The following NTM variants were observed in gnomAD, a reference collection of about 807,000 sequenced individuals.
NTM encodes the protein neurotrimin, also known as IgLON family member 2.
Under a neutral mutation model 42.1 loss-of-function variants are expected in NTM, and 13 were observed. The ratio of observed to expected loss-of-function variants is 0.31; its 90% CI spans 0.20 to 0.49. NTM has a LOEUF of 0.49. Among genes scored for constraint, NTM ranks in the 20% least tolerant of loss-of-function variants. NTM has a pLI of 0.99. For missense variants in NTM, 373 were observed against 452.8 expected (o/e 0.82, Z 1.60); for synonymous variants, 187 against 179.2 (o/e 1.04, Z -0.35).
At chr11:131,870,204 T>A (rs1014626505) in intron 1 of NTM, among the ~76,000 whole-genome samples, 1 of 152,206 alleles carries the variant, frequency 6.6e-6, no homozygotes, top group South Asian at 2.1e-4. Flanking sequence ...AGAAAGAAAG[T>A]GGATGGGCTT....
intron 1 of NTM, among the ~76,000 whole-genome samples, chr11:131,680,386 C>T (rs2072245155): frequency 7.1e-6 from 1 of 141,472 alleles, no homozygotes; most frequent in Non-Finnish European, 1.6e-5. Context: ...TCTGTGAGTG[C>T]CTGTGTGTGT....
At chr11:132,144,024 TTA>T (rs1428685136) in intron 2 of NTM, among the ~76,000 whole-genome samples, 1 of 152,196 alleles carries the variant, frequency 6.6e-6, no homozygotes, top group Non-Finnish European at 1.5e-5. Context: ...CCTGGACATC[TTA>T]TTAAAATGCA....
intron 1 of NTM, among the ~76,000 whole-genome samples, chr11:131,582,661 A>C (rs913403841): frequency 3.3e-5 from 5 of 152,146 alleles, no homozygotes; most frequent in African/African-American, 1.2e-4. Context: ...CCTTCAAAAC[A>C]CTCAGGACAA....
intron 1 of NTM, among the ~76,000 whole-genome samples, chr11:131,455,092 A>G (rs1950772038): frequency 6.6e-6 from 1 of 152,148 alleles, no homozygotes; most frequent in African/African-American, 2.4e-5. Context: ...CAAGCATGAT[A>G]GTTCCATTTC....
intron 1 of NTM, among the ~76,000 whole-genome samples, chr11:131,458,215 T>C (rs1274910624): frequency 2.0e-5 from 3 of 152,192 alleles, no homozygotes; most frequent in South Asian, 2.1e-4. Context: ...AGGTGCCTTA[T>C]GCAGGAGAGC....
intron 2 of NTM, among the ~76,000 whole-genome samples, chr11:132,107,237 C>A (rs2062495478): frequency 6.7e-6 from 1 of 149,750 alleles, no homozygotes; most frequent in Admixed American, 6.7e-5. Context: ...CAGTTTCACA[C>A]AACACAAAAC....
chr11:132,271,480 G>T (rs1022045943), intron 4 of NTM, among the ~76,000 whole-genome samples: 24 of 152,112 alleles, frequency 1.6e-4, no homozygotes, highest in African/African-American at 4.3e-4. Flanking sequence ...AGACTATTTT[G>T]CAAAGTTGCT....
intron 1 of NTM, among the ~76,000 whole-genome samples, chr11:131,615,483 A>C (rs1277181803): frequency 2.0e-5 from 3 of 152,032 alleles, no homozygotes; most frequent in Non-Finnish European, 4.4e-5. Context: ...ATCCTGTCTT[A>C]GCCTCTTGAG....
chr11:131,711,177 A>G (rs1023103244), intron 1 of NTM, among the ~76,000 whole-genome samples: 2 of 152,338 alleles, frequency 1.3e-5, no homozygotes, highest in East Asian at 3.9e-4. Context: ...AGAAACTACC[A>G]TCAGAGTGAA....
At position 132,023,558 on chromosome 11, in the gene NTM, C is replaced by G. The variant is rs191939158; in HGVS notation, c.167+111910C>G. On this transcript the variant is annotated intron_variant, in intron 2 of 8. Coordinates refer to ENST00000683400, the MANE Select transcript of NTM (RefSeq NM_001352005.2). Reference sequence around the variant, plus strand: ...GGTTGTTTTGGAGTTTGCGCCCGCTCCAGTGTCTAGCTCTCTTTGCATTTC... The same window carrying G: ...GGTTGTTTTGGAGTTTGCGCCCGCTGCAGTGTCTAGCTCTCTTTGCATTTC... 9.9e-5 allele frequency among the ~76,000 whole-genome samples: 15 copies of G among 152,244 alleles called. No homozygotes were observed. The East Asian group carries it at 2.9e-3, about 30-fold the overall frequency.
intron 1 of NTM, among the ~76,000 whole-genome samples, chr11:131,526,901 G>T (rs530338954): frequency 6.6e-6 from 1 of 152,336 alleles, no homozygotes; most frequent in African/African-American, 2.4e-5. Flanking sequence ...ATACACAAAT[G>T]GAAAGACCCT....
intron 4 of NTM, among the ~76,000 whole-genome samples, chr11:132,241,980 G>A (rs1451953597): frequency 1.3e-5 from 2 of 152,230 alleles, no homozygotes; most frequent in Non-Finnish European, 2.9e-5. Flanking sequence ...ATTACTGTGA[G>A]TAAAACCTAT....
chr11:131,521,196 T>C lies in NTM; in HGVS notation c.82+150308T>C, dbSNP rs1015880850. Among the ~76,000 whole-genome samples the C allele has an allele frequency of 7.9e-5, 12 of 151,340 alleles. No homozygotes were observed. In the East Asian group the frequency reaches 2.2e-3, roughly 27 times the overall value. ...CGGGCATGGTAGCATGTGCCTGTAG[T>C]CCCAGCTACTTGGGAGGCTGAGGCA... On this transcript the variant is annotated intron_variant, in intron 1 of 8. Transcript: ENST00000683400.
rs558439153 is a variant in NTM at position 132,021,516 on chromosome 11, A to G, written c.167+109868A>G. Among the ~76,000 whole-genome samples the G allele has an allele frequency of 1.5e-3, 226 of 152,182 alleles. 1 individual carries two copies. The highest frequency in any genetic ancestry group is 5.2e-3 in the African/African-American group (214 of 41,502). On this transcript the variant is annotated intron_variant, in intron 2 of 8. Transcript: ENST00000683400. Reference sequence around the variant, plus strand: ...ATATTCCTAGCCTCACTTTTCCCGCAAAGGTTGTATTTTGCTGTTTTTTTC... The same window carrying G: ...ATATTCCTAGCCTCACTTTTCCCGCGAAGGTTGTATTTTGCTGTTTTTTTC...
intron 1 of NTM, among the ~76,000 whole-genome samples, chr11:131,510,296 C>T (rs79676025): frequency 0.026 from 3,915 of 152,286 alleles, 159 homozygotes; most frequent in African/African-American, 0.088. Context: ...GGCTCCCTGG[C>T]CCTGTACTTC....
chr11:132,012,752 C>T (rs541296552), intron 2 of NTM, among the ~76,000 whole-genome samples: 2 of 152,214 alleles, frequency 1.3e-5, no homozygotes, highest in Non-Finnish European at 2.9e-5. Context: ...AATCCATACA[C>T]AGTAGTGAAG....
At chr11:131,655,679 G>A (rs2067093264) in intron 1 of NTM, among the ~76,000 whole-genome samples, 1 of 152,222 alleles carries the variant, frequency 6.6e-6, no homozygotes, top group African/African-American at 2.4e-5. Context: ...TGGCAGGGAG[G>A]ACAATTGAGA....
intron 1 of NTM, among the ~76,000 whole-genome samples, chr11:131,872,281 C>A (rs1329332889): frequency 7.2e-5 from 11 of 152,230 alleles, no homozygotes; most frequent in Non-Finnish European, 1.5e-4. Flanking sequence ...TATGGCTCAG[C>A]AGCAACTGGC....
In NTM at chr11:131,978,593, A is replaced by G. The variant is rs138469119; in HGVS notation, c.167+66945A>G. On this transcript the variant is annotated intron_variant, in intron 2 of 8. Transcript: ENST00000683400. ...CCTAAGGCTCTAGAGTCTCTTCCCT[A>G]TTGCCTATGACTGTTCCCGAGGCTC... 3.8e-3 allele frequency among the ~76,000 whole-genome samples: 579 copies of G among 151,988 alleles called. 4 individuals carry two copies. Among genetic ancestry groups the G allele is most frequent in the African/African-American group, 0.014 (561 of 41,422 alleles).
Sources: allele counts gnomAD v4.1 joint callset (sites outside exome capture counted in the v4.1 genomes callset), GRCh38; gene constraint gnomAD v4.1.1; transcripts MANE v1.5; gene names NCBI Gene and HGNC (gene_info 2026-07-23, HGNC 2026-07-21).